The following NOL10 variants were observed in gnomAD, a reference collection of about 807,000 sequenced individuals.
The protein encoded by NOL10 is nucleolar protein 10.
Under a neutral mutation model 103.5 loss-of-function variants are expected in NOL10, and 58 were observed. That is an observed-to-expected ratio of 0.56 (90% confidence interval 0.45 to 0.70). NOL10 has a LOEUF of 0.70. Ranked by LOEUF, NOL10 falls within the 30% of genes least tolerant of loss-of-function variation. NOL10 has a pLI of 0.00. For synonymous variants in NOL10, 287 were observed against 282.5 expected (o/e 1.02, Z -0.16); for missense variants, 763 against 807.3 (o/e 0.95, Z 0.67).
At chr2:10,588,247 T>C (rs1178724082) in intron 19 of NOL10, among the ~76,000 whole-genome samples, 1 of 152,124 alleles carries the variant, frequency 6.6e-6, no homozygotes, top group Non-Finnish European at 1.5e-5. Flanking sequence ...ACATAAAACT[T>C]ACCATTTTAA....
intron 13 of NOL10, among the ~76,000 whole-genome samples, chr2:10,637,791 C>T (rs780804447): frequency 9.2e-5 from 14 of 152,136 alleles, no homozygotes; most frequent in Non-Finnish European, 1.6e-4. Flanking sequence ...CAGTGCGATT[C>T]TGAACAGACG....
intron 13 of NOL10, among the ~76,000 whole-genome samples, chr2:10,637,826 G>A (rs1572347908): frequency 6.6e-6 from 1 of 152,138 alleles, no homozygotes; most frequent in East Asian, 1.9e-4. Context: ...CAAGTTAGAA[G>A]GGTTCTTCAT....
intron 12 of NOL10, 82 bp downstream of exon 12, chr2:10,654,399 C>T: frequency 2.0e-6 from 2 of 1,018,302 alleles, no homozygotes; most frequent in South Asian, 1.6e-5. Flanking sequence ...AAAGTATAGC[C>T]TTTTTATTTG....
At chr2:10,641,852 C>G (rs763376762) in intron 13 of NOL10, among the ~76,000 whole-genome samples, 1 of 152,152 alleles carries the variant, frequency 6.6e-6, no homozygotes, top group Non-Finnish European at 1.5e-5. Context: ...CTCTCCATAA[C>G]GCGGCTCTCC....
intron 17 of NOL10, 48 bp downstream of exon 17, chr2:10,600,805 A>T: frequency 1.7e-6 from 2 of 1,173,054 alleles, no homozygotes; most frequent in Non-Finnish European, 2.5e-6. Flanking sequence ...GATGTAAGTT[A>T]CTATCAACAA....
At chr2:10,684,276 CAA>C (rs55930710) in intron 2 of NOL10, among the ~76,000 whole-genome samples, 75 of 134,922 alleles carry the variant, frequency 5.6e-4, no homozygotes, top group Admixed American at 6.9e-4. Flanking sequence ...AACTCCATCT[CAA>C]AAAAAAAAAA....
At chr2:10,590,865 G>A (rs1342355200) in intron 17 of NOL10, 1 of 152,194 alleles carries the variant, frequency 6.6e-6, no homozygotes, top group Non-Finnish European at 1.5e-5. Context: ...GAAGCCAGAT[G>A]AAACGGCTTA....
Position 10,587,194 on chromosome 2 carries a change from CATATATAT to C in NOL10, c.1844+1841_1844+1848del, listed in dbSNP as rs1259297214. Among the ~76,000 whole-genome samples, 128 of 28,604 alleles carry C rather than the reference CATATATAT, an allele frequency of 4.5e-3. 5 individuals carry two copies. The highest frequency in any genetic ancestry group is 9.4e-3 in the East Asian group (13 of 1,384). 18.8% of individuals were successfully genotyped at this position (28,604 alleles called of 152,430 possible). A position where few individuals can be genotyped will look rare whatever the true frequency, so the allele number is the denominator to read the frequency against. The stretch of plus-strand genomic sequence containing the variant: ...ACATATATATACACATATATATACA[CATATATAT>C]ACACATATATATATACATATATATA... On this transcript the variant is annotated intron_variant, in intron 19 of 20. Transcript: ENST00000381685.
intron 2 of NOL10, among the ~76,000 whole-genome samples, chr2:10,683,892 G>GA (rs1036942621): frequency 2.6e-5 from 4 of 152,160 alleles, no homozygotes; most frequent in Non-Finnish European, 4.4e-5. Context: ...TGTTATCCAT[G>GA]AAACGGTAAC....
chr2:10,618,323 C>G (rs188407775), intron 13 of NOL10, among the ~76,000 whole-genome samples: 34 of 152,202 alleles, frequency 2.2e-4, no homozygotes, highest in South Asian at 1.2e-3. Context: ...CACTGACTTT[C>G]AGGATGTGGA....
At chr2:10,606,065 CA>C (rs1676237849) in intron 14 of NOL10, among the ~76,000 whole-genome samples, 1 of 152,046 alleles carries the variant, frequency 6.6e-6, no homozygotes, top group Non-Finnish European at 1.5e-5. Context: ...AGCAGCAGAA[CA>C]AGATGAGCAC....
At chr2:10,594,179 G>A (rs888602079) in intron 17 of NOL10, among the ~76,000 whole-genome samples, 1 of 152,154 alleles carries the variant, frequency 6.6e-6, no homozygotes, top group African/African-American at 2.4e-5. Context: ...GGTTTCCCAG[G>A]ACGCTTCCTC....
At chr2:10,592,008 A>G (rs1326918568) in intron 17 of NOL10, among the ~76,000 whole-genome samples, 1 of 151,512 alleles carries the variant, frequency 6.6e-6, no homozygotes, top group East Asian at 1.9e-4. Flanking sequence ...ACAAACAAAC[A>G]AACAAACAAA....
Position 10,646,657 on chromosome 2 carries a change from AG to A in NOL10, c.974-2286del, listed in dbSNP as rs199511681. ...CAGCAGAAATTAAGATGATCAAGGC[AG>A]GAGAAGAGAAGAGCATGAGCATCGC... On this transcript the variant is annotated intron_variant, in intron 12 of 20. Transcript: ENST00000381685. Among the ~76,000 whole-genome samples the A allele has an allele frequency of 4.9e-3, 750 of 152,354 alleles. 6 individuals carry two copies. Among genetic ancestry groups the A allele is most frequent in the Admixed American group, 0.011 (161 of 15,308 alleles).
At chr2:10,658,471 C>T (rs2148316937) in intron 10 of NOL10, among the ~76,000 whole-genome samples, 1 of 152,252 alleles carries the variant, frequency 6.6e-6, no homozygotes, top group African/African-American at 2.4e-5. Context: ...AGTGTACAGG[C>T]TCTGCCTTGA....
At chr2:10,644,403 G>A (rs1468891595) in intron 12 of NOL10, 31 bp from the exon 13 acceptor site, 8 of 1,481,966 alleles carry the variant, frequency 5.4e-6, no homozygotes, top group Non-Finnish European at 7.2e-6. Context: ...AAAGGTCAAT[G>A]CATAGGAAAA....
At chr2:10,662,671 G>C (rs1220737664) in intron 9 of NOL10, among the ~76,000 whole-genome samples, 2 of 152,044 alleles carry the variant, frequency 1.3e-5, no homozygotes, top group African/African-American at 4.8e-5. Context: ...TGGACTCCTG[G>C]TTCTATCACT....
intron 12 of NOL10, among the ~76,000 whole-genome samples, chr2:10,653,369 T>C (rs1572382853): frequency 6.6e-6 from 1 of 152,106 alleles, no homozygotes; most frequent in African/African-American, 2.4e-5. Context: ...CCTCACACGT[T>C]AGAAAAAGAA....
intron 17 of NOL10, among the ~76,000 whole-genome samples, chr2:10,598,247 G>A (rs1166621806): frequency 6.6e-6 from 1 of 152,222 alleles, no homozygotes; most frequent in Non-Finnish European, 1.5e-5. Flanking sequence ...CACTGCATCA[G>A]GCGGTGTGAT....
Sources: allele counts gnomAD v4.1 joint callset (sites outside exome capture counted in the v4.1 genomes callset), GRCh38; gene constraint gnomAD v4.1.1; transcripts MANE v1.5; gene names NCBI Gene and HGNC (gene_info 2026-07-23, HGNC 2026-07-21).